The following KCTD16 variants were observed in gnomAD, a reference collection of about 807,000 sequenced individuals.
KCTD16 encodes the protein potassium channel tetramerization domain containing 16.
A neutral mutation model predicts 33.2 loss-of-function variants in KCTD16; 13 were observed. The observed-to-expected ratio is 0.39, with a 90% CI of 0.25 to 0.62. The LOEUF (loss-of-function observed/expected upper bound fraction) is 0.62. Ranked by LOEUF, KCTD16 falls within the 20% of genes least tolerant of loss-of-function variation. The probability of loss-of-function intolerance (pLI) is 0.50; values close to 1 mark genes in which losing one functional copy is unlikely to be tolerated. For missense variants in KCTD16, 441 were observed against 525.1 expected, an observed-to-expected ratio of 0.84 and a Z score of 1.57; for synonymous variants, 197 against 195.3, an observed-to-expected ratio of 1.01 and a Z score of -0.07.
intron 2 of KCTD16, among the ~76,000 whole-genome samples, chr5:144,180,024 C>T (rs1208259275): frequency 2.6e-5 from 4 of 152,204 alleles, no homozygotes; most frequent in African/African-American, 7.2e-5. Context: ...TTCCTCAGTG[C>T]TTCTAGCTTG....
intron 3 of KCTD16, among the ~76,000 whole-genome samples, chr5:144,347,366 G>A (rs1190680497): frequency 3.3e-5 from 5 of 152,114 alleles, no homozygotes; most frequent in Admixed American, 1.3e-4. Context: ...AGGCTGAGTC[G>A]GGAGGATCAC....
intron 3 of KCTD16, among the ~76,000 whole-genome samples, chr5:144,283,735 G>A (rs938692329): frequency 6.6e-6 from 1 of 152,162 alleles, no homozygotes; most frequent in Non-Finnish European, 1.5e-5. Flanking sequence ...AAATCCTGGA[G>A]TCTGGTTTGC....
intron 3 of KCTD16, among the ~76,000 whole-genome samples, chr5:144,255,722 G>A (rs1015626471): frequency 1.3e-5 from 2 of 152,132 alleles, no homozygotes; most frequent in Admixed American, 1.3e-4. Flanking sequence ...TTTAGTACCT[G>A]GGAGCTCAAA....
chr5:144,433,204 T>C (rs1422812904), intron 3 of KCTD16, among the ~76,000 whole-genome samples: 1 of 152,156 alleles, frequency 6.6e-6, no homozygotes, highest in Non-Finnish European at 1.5e-5. Flanking sequence ...TTGGCTTTTT[T>C]GGCCACCTTC....
intron 2 of KCTD16, among the ~76,000 whole-genome samples, chr5:144,186,930 G>A (rs1752738439): frequency 6.6e-6 from 1 of 152,076 alleles, no homozygotes; most frequent in South Asian, 2.1e-4. Flanking sequence ...CAGGTGCTGG[G>A]GATGGGATAT....
At chr5:144,347,757 G>A (rs867088574) in intron 3 of KCTD16, among the ~76,000 whole-genome samples, 9 of 152,244 alleles carry the variant, frequency 5.9e-5, no homozygotes, top group South Asian at 2.1e-4. Flanking sequence ...CCCTTTCCAG[G>A]CCCACATCGA....
chr5:144,463,984 T>A (rs1458003582), intron 3 of KCTD16, among the ~76,000 whole-genome samples: 1 of 152,238 alleles, frequency 6.6e-6, no homozygotes, highest in Non-Finnish European at 1.5e-5. Context: ...CAGAGATACA[T>A]GTTCGGCACA....
chr5:144,260,146 G>A (rs1053267356), intron 3 of KCTD16, among the ~76,000 whole-genome samples: 6 of 152,310 alleles, frequency 3.9e-5, no homozygotes, highest in African/African-American at 1.4e-4. Context: ...CATGCAGTTC[G>A]TGTATGAGCA....
intron 2 of KCTD16, among the ~76,000 whole-genome samples, chr5:144,177,843 G>A (rs556006228): frequency 2.0e-5 from 3 of 152,230 alleles, no homozygotes; most frequent in African/African-American, 4.8e-5. Flanking sequence ...GCCTTATGAT[G>A]TTACTGCATT....
At chr5:144,247,665 GATT>G (rs1446507963) in intron 3 of KCTD16, among the ~76,000 whole-genome samples, 1 of 152,138 alleles carries the variant, frequency 6.6e-6, no homozygotes, top group African/African-American at 2.4e-5. Context: ...CCATGATCAT[GATT>G]ATTATTATTA....
In KCTD16 at chr5:144,206,743, A is replaced by G; in HGVS notation, c.29A>G (p.Tyr10Cys). 1 of 1,613,946 alleles carries G rather than the reference A, an allele frequency of 6.2e-7. No individual in the cohort carries two copies. The highest frequency in any genetic ancestry group is 1.1e-5 in the South Asian group (1 of 91,054). ...GCTCTGAGTGGAAACTGTAGTCGTT[A>G]TTATCCTCGAGAACAAGGGTCCGCA... The part of the protein sequence containing the change: MALSGNCSR[Y>C]YPREQGSAVP... Residue 10 changes from tyrosine to cysteine, a missense_variant, in exon 3 of 4, where the codon TAT (tyrosine) becomes TGT (cysteine). Tyr to Cys is a radical substitution (Grantham distance 194, BLOSUM62 -2). Transcript: ENST00000512467.
intron 3 of KCTD16, among the ~76,000 whole-genome samples, chr5:144,426,688 C>T (rs141955246): frequency 1.5e-4 from 23 of 152,178 alleles, no homozygotes; most frequent in Admixed American, 7.9e-4. Flanking sequence ...GAGCATGGCA[C>T]CAGCATCTGG....
intron 3 of KCTD16, among the ~76,000 whole-genome samples, chr5:144,362,470 T>C (rs79685809): frequency 0.019 from 2,862 of 152,126 alleles, 80 homozygotes; most frequent in African/African-American, 0.065. Context: ...TAGAGTGGGG[T>C]GACTAATGAC....
At chr5:144,295,356 T>G (rs1756007339) in intron 3 of KCTD16, among the ~76,000 whole-genome samples, 1 of 152,210 alleles carries the variant, frequency 6.6e-6, no homozygotes, top group Admixed American at 6.5e-5. Flanking sequence ...AAAGAATGTG[T>G]GTGCAAATAA....
intron 3 of KCTD16, among the ~76,000 whole-genome samples, chr5:144,471,653 T>G (rs1042657721): frequency 6.6e-6 from 1 of 152,204 alleles, no homozygotes; most frequent in African/African-American, 2.4e-5. Context: ...AAATGTATGC[T>G]GGCAGACAGA....
At chr5:144,306,178 G>A (rs1751599786) in intron 3 of KCTD16, among the ~76,000 whole-genome samples, 1 of 152,210 alleles carries the variant, frequency 6.6e-6, no homozygotes, top group African/African-American at 2.4e-5. Flanking sequence ...TTTATAAGTG[G>A]ATCCAAGTAT....
intron 3 of KCTD16, among the ~76,000 whole-genome samples, chr5:144,287,128 G>GA (rs936732648): frequency 6.6e-6 from 1 of 152,194 alleles, no homozygotes; most frequent in African/African-American, 2.4e-5. Flanking sequence ...CACCTCAAGT[G>GA]AAAGAGAGAG....
intron 3 of KCTD16, among the ~76,000 whole-genome samples, chr5:144,380,494 GA>G (rs1215981463): frequency 1.3e-5 from 2 of 152,174 alleles, no homozygotes; most frequent in East Asian, 3.9e-4. Flanking sequence ...AGACTATTTT[GA>G]AATTCACTTG....
intron 2 of KCTD16, among the ~76,000 whole-genome samples, chr5:144,181,028 G>C (rs1337368233): frequency 1.3e-5 from 2 of 151,974 alleles, no homozygotes; most frequent in Non-Finnish European, 2.9e-5. Flanking sequence ...CGCCTCCCGG[G>C]TTCACGCCAT....
Sources: gnomAD v4.1 joint callset for allele counts (sites outside exome capture counted in the v4.1 genomes callset) on GRCh38, gnomAD v4.1.1 for gene constraint, MANE v1.5 for transcripts, NCBI Gene and HGNC (gene_info 2026-07-23, HGNC 2026-07-21) for gene names.